The following TAFA5 variants were observed in gnomAD, a reference collection of about 807,000 sequenced individuals.
TAFA5 encodes chemokine-like protein TAFA-5.
A neutral mutation model predicts 15.3 loss-of-function variants in TAFA5; 6 were observed. The observed-to-expected ratio is 0.39, with a 90% CI of 0.21 to 0.77. The LOEUF is 0.77. Ranked by LOEUF, TAFA5 falls within the 30% of genes least tolerant of loss-of-function variation. TAFA5 has a pLI of 0.41. For synonymous variants in TAFA5, 103 were observed against 80.7 expected (o/e 1.28, Z -1.48); for missense variants, 161 against 193.1 (o/e 0.83, Z 0.98).
chr22:48,502,170 C>G (rs1461623697), intron 1 of TAFA5, among the ~76,000 whole-genome samples: 1 of 152,108 alleles, frequency 6.6e-6, no homozygotes, highest in African/African-American at 2.4e-5. Flanking sequence ...TTTTAAAAAT[C>G]CATTGGATAA....
chr22:48,538,687 C>T (rs1036366028), intron 1 of TAFA5, among the ~76,000 whole-genome samples: 9 of 152,290 alleles, frequency 5.9e-5, no homozygotes, highest in Admixed American at 2.0e-4. Context: ...AGCTACTTCC[C>T]GGCATGGTCT....
intron 1 of TAFA5, among the ~76,000 whole-genome samples, chr22:48,531,885 A>G (rs374691171): frequency 1.3e-4 from 20 of 152,280 alleles, no homozygotes; most frequent in African/African-American, 4.3e-4. Context: ...GCAGGGCAGG[A>G]GAGGGTGGAC....
chr22:48,574,093 G>C (rs574626472), intron 1 of TAFA5, among the ~76,000 whole-genome samples: 1 of 152,162 alleles, frequency 6.6e-6, no homozygotes, highest in Non-Finnish European at 1.5e-5. Flanking sequence ...AGAATGTCTA[G>C]GGGTGGAGAG....
At position 48,669,083 on chromosome 22, in the gene TAFA5, C is replaced by T. The variant is rs939841617; in HGVS notation, c.262+22337C>T. 5.3e-5 allele frequency among the ~76,000 whole-genome samples: 8 copies of T among 152,328 alleles called. No homozygotes were observed. The South Asian group carries it at 8.3e-4, about 16-fold the overall frequency. On this transcript the variant is annotated intron_variant, in intron 2 of 3. Coordinates refer to ENST00000402357, the MANE Select transcript of TAFA5 (RefSeq NM_001082967.3). ...AGAGAGACCCTCCCCACTTCCCCGA[C>T]GTGAGGACACAACCAGGAGGCACCG...
intron 3 of TAFA5, among the ~76,000 whole-genome samples, chr22:48,729,014 A>G (rs1324429399): frequency 6.6e-6 from 1 of 152,068 alleles, no homozygotes; most frequent in Non-Finnish European, 1.5e-5. Context: ...TAGTGTATCG[A>G]TCGCTAAATC....
chr22:48,723,378 G>A (rs1048560152), intron 3 of TAFA5, among the ~76,000 whole-genome samples: 7 of 152,094 alleles, frequency 4.6e-5, no homozygotes, highest in African/African-American at 1.7e-4. Flanking sequence ...TATGGCGGGT[G>A]GCACAGGTCC....
At chr22:48,749,065 C>T (rs1295047038) in intron 3 of TAFA5, among the ~76,000 whole-genome samples, 2 of 152,254 alleles carry the variant, frequency 1.3e-5, no homozygotes, top group East Asian at 3.9e-4. Context: ...CTCCCGGGGC[C>T]AGATGGGACA....
intron 1 of TAFA5, among the ~76,000 whole-genome samples, chr22:48,508,301 C>T (rs956437925): frequency 3.3e-5 from 5 of 152,148 alleles, no homozygotes; most frequent in Non-Finnish European, 7.4e-5. Flanking sequence ...AGAGAGTAGG[C>T]GGGGGTGCAG....
At chr22:48,597,793 C>T (rs371461632) in intron 1 of TAFA5, among the ~76,000 whole-genome samples, 1 of 152,276 alleles carries the variant, frequency 6.6e-6, no homozygotes, top group East Asian at 1.9e-4. Flanking sequence ...TAGGCACAGG[C>T]TGAGCTGCTG....
chr22:48,682,893 G>C (rs1392883417), intron 2 of TAFA5, among the ~76,000 whole-genome samples: 1 of 152,154 alleles, frequency 6.6e-6, no homozygotes, highest in Non-Finnish European at 1.5e-5. Flanking sequence ...TGGCAGGAAG[G>C]CTTGACACGC....
chr22:48,518,183 G>A (rs1921481479), intron 1 of TAFA5, among the ~76,000 whole-genome samples: 1 of 152,208 alleles, frequency 6.6e-6, no homozygotes. Context: ...GGTCCCAGGA[G>A]CTGAGATGGT....
At chr22:48,734,789 C>T (rs1287539648) in intron 3 of TAFA5, among the ~76,000 whole-genome samples, 7 of 152,232 alleles carry the variant, frequency 4.6e-5, no homozygotes, top group Non-Finnish European at 1.0e-4. Flanking sequence ...CATCTCAAAT[C>T]AGTGAGGATG....
chr22:48,622,417 A>C (rs1267448765), intron 1 of TAFA5, among the ~76,000 whole-genome samples: 1 of 152,184 alleles, frequency 6.6e-6, no homozygotes. Flanking sequence ...GCTCCATTCC[A>C]GACACTTGCA....
intron 2 of TAFA5, among the ~76,000 whole-genome samples, chr22:48,680,893 CG>C (rs1928162512): frequency 6.6e-6 from 1 of 152,208 alleles, no homozygotes; most frequent in Admixed American, 6.5e-5. Flanking sequence ...TTAGGGCGCC[CG>C]GGTGGCAAGA....
chr22:48,585,763 C>T (rs906857296), intron 1 of TAFA5, among the ~76,000 whole-genome samples: 6 of 151,680 alleles, frequency 4.0e-5, no homozygotes, highest in Middle Eastern at 3.4e-3. Flanking sequence ...ATACCAAATA[C>T]GCATACCACA....
intron 1 of TAFA5, chr22:48,576,364 C>T: frequency 8.9e-7 from 1 of 1,127,458 alleles, no homozygotes; most frequent in East Asian, 4.6e-5. Context: ...GCGGCGTTGG[C>T]GGCGGATGGA....
intron 1 of TAFA5, chr22:48,543,704 C>G (rs1484440291): frequency 6.6e-6 from 1 of 152,554 alleles, no homozygotes; most frequent in African/African-American, 2.4e-5. Flanking sequence ...GCAGAGCCCA[C>G]TGACTCCAGG....
chr22:48,686,171 A>G (rs1023528979), intron 2 of TAFA5, among the ~76,000 whole-genome samples: 1 of 152,198 alleles, frequency 6.6e-6, no homozygotes, highest in Non-Finnish European at 1.5e-5. Flanking sequence ...AGCAGGCAGT[A>G]TGGCGTCTGA....
At chr22:48,596,839 CCTT>C (rs1233367449) in intron 1 of TAFA5, among the ~76,000 whole-genome samples, 2 of 152,094 alleles carry the variant, frequency 1.3e-5, no homozygotes, top group African/African-American at 4.8e-5. Flanking sequence ...GACAGGGTCT[CCTT>C]CTGTCACCCA....
Sources: allele counts gnomAD v4.1 joint callset (sites outside exome capture counted in the v4.1 genomes callset), GRCh38; gene constraint gnomAD v4.1.1; transcripts MANE v1.5; gene names NCBI Gene and HGNC (gene_info 2026-07-23, HGNC 2026-07-21).